TULP4: variants seen among roughly 807,000 people sequenced by gnomAD.
TULP4 encodes the protein TUB like protein 4.
A neutral mutation model predicts 129.0 loss-of-function variants in TULP4; 16 were observed. The ratio of observed to expected loss-of-function variants is 0.12; its 90% CI spans 0.08 to 0.19. The LOEUF (loss-of-function observed/expected upper bound fraction) is 0.19, where lower values mean the gene tolerates loss of function less well. Among genes scored for constraint, TULP4 ranks in the 10% least tolerant of loss-of-function variants. The probability of loss-of-function intolerance (pLI) is 1.00; values close to 1 mark genes in which losing one functional copy is unlikely to be tolerated. For synonymous variants in TULP4, 998 were observed against 854.0 expected (o/e 1.17, Z -2.94); for missense variants, 1,842 against 2,059.1 (o/e 0.89, Z 2.04).
intron 2 of TULP4, chr6:158,428,314 G>A (rs963491516): frequency 6.6e-6 from 1 of 152,160 alleles, no homozygotes; most frequent in African/African-American, 2.4e-5. Flanking sequence ...CATCTTGAGA[G>A]GGTAACGTAA....
intron 1 of TULP4, among the ~76,000 whole-genome samples, chr6:158,365,657 G>A (rs1780924102): frequency 6.6e-6 from 1 of 150,540 alleles, no homozygotes; most frequent in Non-Finnish European, 1.5e-5. Flanking sequence ...TTTGTTAGTA[G>A]AGAGGGGGTT....
At chr6:158,254,872 G>T (rs1778216060) in intron 1 of TULP4, among the ~76,000 whole-genome samples, 1 of 152,198 alleles carries the variant, frequency 6.6e-6, no homozygotes. Context: ...GGAAGTTCCA[G>T]ACCAGCCTGG....
chr6:158,466,982 AG>A (rs1271976551), intron 6 of TULP4, among the ~76,000 whole-genome samples: 2 of 152,202 alleles, frequency 1.3e-5, no homozygotes, highest in African/African-American at 4.8e-5. Flanking sequence ...CTAAGGAAAG[AG>A]GCCTGTATAG....
intron 5 of TULP4, 63 bp from the exon 6 acceptor site, chr6:158,461,500 C>T: frequency 2.0e-6 from 3 of 1,527,184 alleles, no homozygotes; most frequent in Non-Finnish European, 2.7e-6. Context: ...AGACAGTAGG[C>T]TTGCTGAGTG....
intron 3 of TULP4, among the ~76,000 whole-genome samples, chr6:158,442,320 A>G (rs973971054): frequency 1.3e-5 from 2 of 152,198 alleles, no homozygotes; most frequent in Non-Finnish European, 2.9e-5. Flanking sequence ...GAAGAGTTGT[A>G]AAATTTTGAA....
At chr6:158,270,696 T>C (rs1465432948) in intron 1 of TULP4, among the ~76,000 whole-genome samples, 2 of 152,244 alleles carry the variant, frequency 1.3e-5, no homozygotes, top group Non-Finnish European at 2.9e-5. Context: ...TTTAAGCTTT[T>C]CTCAAGCTTT....
intron 1 of TULP4, among the ~76,000 whole-genome samples, chr6:158,359,444 C>A (rs1780717476): frequency 6.6e-6 from 1 of 152,126 alleles, no homozygotes; most frequent in Admixed American, 6.5e-5. Flanking sequence ...CATCTGCAAG[C>A]TAAGGAGCAA....
chr6:158,370,045 T>C (rs1777038007), intron 1 of TULP4, among the ~76,000 whole-genome samples: 1 of 151,298 alleles, frequency 6.6e-6, no homozygotes, highest in African/African-American at 2.4e-5. Flanking sequence ...CTATAAAAAA[T>C]ACAAAAACTA....
At chr6:158,292,158 T>G (rs1315725232) in intron 1 of TULP4, among the ~76,000 whole-genome samples, 1 of 152,226 alleles carries the variant, frequency 6.6e-6, no homozygotes. Flanking sequence ...GTGGGACACT[T>G]TAGCCTGTGA....
Position 158,490,180 on chromosome 6 carries a change from G to A in TULP4, c.1631+448G>A, listed in dbSNP as rs187207068. Among the ~76,000 whole-genome samples the A allele has an allele frequency of 3.6e-3, 549 of 152,296 alleles. 3 individuals carry two copies. Among genetic ancestry groups the A allele is most frequent in the Non-Finnish European group, 3.5e-3 (238 of 68,026 alleles). On this transcript the variant is annotated intron_variant, in intron 9 of 13. Transcript: ENST00000367097. ...TGGGCGGCCGAGGCGGGTGGATCAC[G>A]AAGTCAAGAGATCTGGACCATCCTG...
intron 1 of TULP4, among the ~76,000 whole-genome samples, chr6:158,349,027 AGCCGGGCAGAGGC>A (rs1780402776): frequency 5.4e-4 from 5 of 9,190 alleles, no homozygotes; most frequent in Non-Finnish European, 8.9e-4. Context: ...CAGACGGGGC[AGCCGGGCAGAGGC>A]GCTCCTCACT....
chr6:158,491,408 TC>T (rs1780196385), intron 9 of TULP4, among the ~76,000 whole-genome samples: 8 of 26,326 alleles, frequency 3.0e-4, no homozygotes, highest in South Asian at 2.3e-3. Flanking sequence ...TTTCTTTCTT[TC>T]TTTCTTTCTT....
At chr6:158,491,623 G>A (rs920167478) in intron 9 of TULP4, among the ~76,000 whole-genome samples, 2 of 151,514 alleles carry the variant, frequency 1.3e-5, no homozygotes, top group African/African-American at 4.9e-5. Flanking sequence ...CTCCCGAGTA[G>A]CTGGGACTAC....
intron 1 of TULP4, among the ~76,000 whole-genome samples, chr6:158,296,155 C>G (rs1428542345): frequency 6.6e-6 from 1 of 151,952 alleles, no homozygotes; most frequent in Admixed American, 6.6e-5. Flanking sequence ...TTTTTCCTTT[C>G]CTTTTCTTAT....
chr6:158,364,717 C>G (rs187784867), intron 1 of TULP4, among the ~76,000 whole-genome samples: 34 of 152,166 alleles, frequency 2.2e-4, no homozygotes, highest in African/African-American at 8.2e-4. Flanking sequence ...TCACAGCAAT[C>G]TACCTAGATT....
intron 1 of TULP4, among the ~76,000 whole-genome samples, chr6:158,379,156 G>A (rs1234612204): frequency 6.6e-6 from 1 of 152,186 alleles, no homozygotes; most frequent in Admixed American, 6.5e-5. Flanking sequence ...TGAAGGTAGA[G>A]TTGACAGGAC....
chr6:158,233,550 G>C (rs993850598), intron 1 of TULP4, among the ~76,000 whole-genome samples: 9 of 152,144 alleles, frequency 5.9e-5, no homozygotes, highest in Non-Finnish European at 1.2e-4. Flanking sequence ...AGTTCTCCCC[G>C]GGCTCCGCAG....
intron 1 of TULP4, among the ~76,000 whole-genome samples, chr6:158,253,747 A>C (rs1043772774): frequency 6.6e-6 from 1 of 152,194 alleles, no homozygotes; most frequent in Non-Finnish European, 1.5e-5. Context: ...TATAGAAGAC[A>C]GAATGTGCCG....
chr6:158,275,842 T>C (rs543364445), intron 1 of TULP4, among the ~76,000 whole-genome samples: 1 of 152,350 alleles, frequency 6.6e-6, no homozygotes, highest in African/African-American at 2.4e-5. Context: ...CCTGTGACTT[T>C]CAAAGAAGTG....
Sources: allele counts gnomAD v4.1 joint callset (sites outside exome capture counted in the v4.1 genomes callset), GRCh38; gene constraint gnomAD v4.1.1; transcripts MANE v1.5; gene names NCBI Gene and HGNC (gene_info 2026-07-23, HGNC 2026-07-21).